Variants in PMFBP1 observed in about 807,000 individuals in gnomAD.
The protein encoded by PMFBP1 is polyamine modulated factor 1 binding protein 1, also known as polyamine-modulated factor 1-binding protein 1.
PMFBP1 carries 131 observed loss-of-function variants against 137.8 expected under a neutral mutation model. That is an observed-to-expected ratio of 0.95 (90% CI 0.82 to 1.10). PMFBP1 has a LOEUF of 1.10. Among genes scored for constraint, PMFBP1 ranks in the 50% least tolerant of loss-of-function variants. PMFBP1 has a pLI of 0.00. For missense variants in PMFBP1, 1,199 were observed against 1,175.4 expected (o/e 1.02, Z -0.29); for synonymous variants, 490 against 450.4 (o/e 1.09, Z -1.11).
At chr16:72,187,089 G>A in the PMFBP1 span, among the ~76,000 whole-genome samples, 1 of 150,222 alleles carries the variant, frequency 6.7e-6, no homozygotes, top group African/African-American at 2.5e-5. Context: ...CTCCAGGCTG[G>A]GTGACAAAGT....
rs756916985 is a variant in PMFBP1 at position 72,150,695 on chromosome 16, A to T, written c.549T>A (p.Asp183Glu). Residue 183 changes from aspartate (D) to glutamate (E), a missense_variant, in exon 5 of 21, where the codon GAT (aspartate) becomes GAA (glutamate). Asp to Glu is a conservative substitution (Grantham distance 45). Transcript: ENST00000237353. ...TGTTGCTCAGGGAAGACTGGTATTTATCCCTGTAGAGGTTTAAGCTCCTCT... is the reference window on the plus strand; with the variant it reads ...TGTTGCTCAGGGAAGACTGGTATTTTTCCCTGTAGAGGTTTAAGCTCCTCT... The part of the protein sequence containing the change: ...SLERSLNLYR[D>E]KYQSSLSNIE... The T allele has an allele frequency of 5.6e-6, 9 of 1,613,986 alleles. No individual in the cohort carries two copies. In the Admixed American group the frequency reaches 1.5e-4, roughly 27 times the overall value.
At position 72,132,830 on chromosome 16, in the gene PMFBP1, C is replaced by T; in HGVS notation, c.1365G>A (p.Glu455=). The change falls in exon 10 of 21, where the codon GAG becomes GAA. Residue 455 remains glutamate (E), a synonymous_variant. Coordinates refer to ENST00000237353, the MANE Select transcript of PMFBP1 (RefSeq NM_031293.3). ...CAGCCTGCAGGGCCTTGCACTCCGC[C>T]TCCTTGGACTTGTCCTGCTTAGCCT... The part of the protein sequence containing the change: ...VKEAKQDKSK[E]AECKALQAEV... 1 of 1,614,214 alleles carries T rather than the reference C, an allele frequency of 6.2e-7. No homozygotes were observed. Among genetic ancestry groups the T allele is most frequent in the Middle Eastern group, 1.6e-4 (1 of 6,062 alleles).
intron 9 of PMFBP1, 137 bp from the exon 10 acceptor site, chr16:72,133,128 C>G: frequency 1.1e-6 from 1 of 895,352 alleles, no homozygotes; most frequent in Non-Finnish European, 1.7e-6. Flanking sequence ...TGCCTCCACT[C>G]CTGTTCCCCT....
chr16:72,140,650 C>G, intron 5 of PMFBP1, 68 bp from the exon 6 acceptor site: 1 of 1,400,448 alleles, frequency 7.1e-7, no homozygotes, highest in Non-Finnish European at 1.0e-6. Context: ...ATTCCATGAA[C>G]ATGGAAAATC....
the PMFBP1 span, among the ~76,000 whole-genome samples, chr16:72,207,475 A>G: frequency 6.6e-6 from 1 of 152,194 alleles, no homozygotes; most frequent in African/African-American, 2.4e-5. Context: ...AATAGGTAGT[A>G]GGAGATCTTG....
At chr16:72,150,965 A>T in intron 4 of PMFBP1, 136 bp from the exon 5 acceptor site, 1 of 734,560 alleles carries the variant, frequency 1.4e-6, no homozygotes, top group Non-Finnish European at 2.3e-6. Flanking sequence ...GGCTGCACAG[A>T]TCTAAAAGCT....
chr16:72,144,768 T>C (rs1468580325), intron 5 of PMFBP1, among the ~76,000 whole-genome samples: 1 of 152,116 alleles, frequency 6.6e-6, no homozygotes, highest in Non-Finnish European at 1.5e-5. Flanking sequence ...TTCAACTCCA[T>C]AAAAATTAAA....
chr16:72,125,272 TTTC>T lies in PMFBP1; in HGVS notation c.2384_2386del (p.Arg795del). 1 of 1,614,054 alleles carries T rather than the reference TTTC, an allele frequency of 6.2e-7. No individual in the cohort carries two copies. On this transcript the variant is annotated inframe_deletion, in exon 16 of 21. Transcript: ENST00000237353. ...ACTCTCCTGGTGGAAGCCCCGCAGT[TTTC>T]TTAATTCCGTATTGAGCTTTTTCAT...
chr16:72,126,472 G>T (rs1310734614), intron 14 of PMFBP1, among the ~76,000 whole-genome samples: 1 of 152,244 alleles, frequency 6.6e-6, no homozygotes, highest in Non-Finnish European at 1.5e-5. Flanking sequence ...TTTGAGGTTA[G>T]TGGACATGAT....
At chr16:72,204,024 C>T in the PMFBP1 span, among the ~76,000 whole-genome samples, 1 of 152,242 alleles carries the variant, frequency 6.6e-6, no homozygotes, top group South Asian at 2.1e-4. Context: ...ATGTCCTTCC[C>T]GCTGCTTGGG....
intron 5 of PMFBP1, among the ~76,000 whole-genome samples, chr16:72,148,121 C>A (rs1166121091): frequency 2.6e-5 from 4 of 152,094 alleles, no homozygotes; most frequent in African/African-American, 9.7e-5. Context: ...GGAACCAACC[C>A]AAATGCCCAG....
chr16:72,168,413 C>T (rs538146214), intron 2 of PMFBP1, among the ~76,000 whole-genome samples: 21 of 152,306 alleles, frequency 1.4e-4, no homozygotes, highest in South Asian at 2.1e-4. Flanking sequence ...GCTGGTATCT[C>T]GCACAGATAT....
At chr16:72,173,469 C>T (rs1343948112), upstream of PMFBP1, among the ~76,000 whole-genome samples, 2 of 152,102 alleles carry the variant, frequency 1.3e-5, no homozygotes, top group African/African-American at 4.8e-5. Flanking sequence ...GAGCCAAGAG[C>T]ATTTCGAAGG....
chr16:72,181,939 A>T, the PMFBP1 span, among the ~76,000 whole-genome samples: 2 of 152,222 alleles, frequency 1.3e-5, no homozygotes, highest in Non-Finnish European at 2.9e-5. Context: ...CCGCATGTAA[A>T]ATACACTAAC....
At chr16:72,131,141 G>T (rs528516169) in intron 10 of PMFBP1, among the ~76,000 whole-genome samples, 1 of 152,298 alleles carries the variant, frequency 6.6e-6, no homozygotes, top group South Asian at 2.1e-4. Context: ...ATGAGTGGAG[G>T]AACAGAAGCT....
the PMFBP1 span, among the ~76,000 whole-genome samples, chr16:72,189,579 G>A: frequency 4.6e-5 from 7 of 152,278 alleles, no homozygotes; most frequent in African/African-American, 7.2e-5. Context: ...GATAAATTAC[G>A]GCAGAGTCCA....
intron 3 of PMFBP1, chr16:72,164,348 G>C (rs1216620808): frequency 1.6e-6 from 2 of 1,219,654 alleles, no homozygotes; most frequent in Non-Finnish European, 2.2e-6. Flanking sequence ...AAGACCCCCT[G>C]CTACCCCAAT....
intron 11 of PMFBP1, 57 bp from the exon 12 acceptor site, chr16:72,130,414 G>C: frequency 6.2e-7 from 1 of 1,611,376 alleles, no homozygotes; most frequent in African/African-American, 1.3e-5. Flanking sequence ...TGGGCAGATT[G>C]TGGAGCTGAC....
chr16:72,227,829 C>T, the PMFBP1 span, among the ~76,000 whole-genome samples: 2 of 152,132 alleles, frequency 1.3e-5, no homozygotes, highest in Admixed American at 6.6e-5. Flanking sequence ...AATGATGTGG[C>T]ATATATATGT....
Sources: gnomAD v4.1 joint callset for allele counts (sites outside exome capture counted in the v4.1 genomes callset) on GRCh38, gnomAD v4.1.1 for gene constraint, MANE v1.5 for transcripts, NCBI Gene and HGNC (gene_info 2026-07-23, HGNC 2026-07-21) for gene names.